The following NPTXR variants were observed in gnomAD, a reference collection of about 807,000 sequenced individuals.
NPTXR encodes the protein neuronal pentraxin receptor.
A neutral mutation model predicts 32.2 loss-of-function variants in NPTXR; 12 were observed. The observed-to-expected ratio is 0.37, with a 90% CI of 0.24 to 0.60. The LOEUF is 0.60. Among genes scored for constraint, NPTXR ranks in the 20% least tolerant of loss-of-function variants. The pLI, the probability that NPTXR is intolerant of heterozygous loss-of-function variation, is 0.66. For synonymous variants in NPTXR, 323 were observed against 315.8 expected, an observed-to-expected ratio of 1.02 and a Z score of -0.24; for missense variants, 612 against 682.9, an observed-to-expected ratio of 0.90 and a Z score of 1.16.
chr22:38,827,055 T>C (rs1254526620), intron 2 of NPTXR, among the ~76,000 whole-genome samples: 1 of 151,668 alleles, frequency 6.6e-6, no homozygotes, highest in Non-Finnish European at 1.5e-5. Flanking sequence ...GGGCTGGAGG[T>C]TGCTTCTCCT....
At chr22:38,827,066 G>A (rs528257076) in intron 2 of NPTXR, among the ~76,000 whole-genome samples, 9 of 152,150 alleles carry the variant, frequency 5.9e-5, no homozygotes, top group African/African-American at 1.7e-4. Context: ...TGCTTCTCCT[G>A]TTCCTGTGCT....
At chr22:38,823,697 G>A (rs776191085) in intron 3 of NPTXR, among the ~76,000 whole-genome samples, 6 of 152,196 alleles carry the variant, frequency 3.9e-5, no homozygotes, top group African/African-American at 1.2e-4. Context: ...CAACCCCTGT[G>A]TGATCTGGGG....
chr22:38,823,325 G>A (rs758438359), intron 3 of NPTXR, 63 bp from the exon 4 acceptor site: 244 of 1,510,118 alleles, frequency 1.6e-4, no homozygotes, highest in Non-Finnish European at 2.1e-4. Context: ...CATGGCTGAG[G>A]CAGTGGGGTG....
chr22:38,826,090 G>T (rs574977608), intron 3 of NPTXR, among the ~76,000 whole-genome samples: 2 of 152,122 alleles, frequency 1.3e-5, no homozygotes, highest in South Asian at 4.2e-4. Flanking sequence ...TGATCCGCCC[G>T]CCTCGGCCTC....
intron 1 of NPTXR, among the ~76,000 whole-genome samples, chr22:38,831,329 C>T (rs1427608826): frequency 6.6e-6 from 1 of 152,144 alleles, no homozygotes; most frequent in African/African-American, 2.4e-5. Context: ...ATTGCTTAAG[C>T]CCAGGAGGTT....
chr22:38,832,130 G>A (rs962494544), intron 1 of NPTXR, among the ~76,000 whole-genome samples: 1 of 152,200 alleles, frequency 6.6e-6, no homozygotes, highest in African/African-American at 2.4e-5. Flanking sequence ...CGCTCAAGCT[G>A]TTCTTTTGTC....
At position 38,818,569 on chromosome 22, in the gene NPTXR, CAT is replaced by C. The variant is rs949953671; in HGVS notation, c.*4038_*4039del. On this transcript the variant is annotated 3_prime_UTR_variant, in exon 5 of 5. Transcript: ENST00000333039. This position sits in a 1 kb window ranked among gnomAD's most constrained non-coding sequence, Gnocchi z 4.5. Reference sequence around the variant, plus strand: ...ACACACACACGCACACACACGCACACATGTTGCAGCTCATGTCAATTTATGTA... The same window carrying C: ...ACACACACACGCACACACACGCACACGTTGCAGCTCATGTCAATTTATGTA... The C allele has an allele frequency of 1.3e-5, 2 of 152,492 alleles. No homozygotes were observed. Among genetic ancestry groups the C allele is most frequent in the Non-Finnish European group, 2.9e-5 (2 of 68,126 alleles). The allele number at this position is 152,492 out of a possible 1,614,324, so 9.4% of individuals were successfully genotyped here.
intron 1 of NPTXR, 32 bp from the exon 2 acceptor site, chr22:38,828,544 T>C (rs757214426): frequency 6.6e-7 from 1 of 1,520,144 alleles, no homozygotes; most frequent in Non-Finnish European, 8.9e-7. Context: ...AGAAATCAAC[T>C]GAGGGGAGGA....
chr22:38,827,312 C>T (rs946515947), intron 2 of NPTXR, among the ~76,000 whole-genome samples: 2 of 147,396 alleles, frequency 1.4e-5, no homozygotes, highest in African/African-American at 2.5e-5. Flanking sequence ...CAGCTCACTG[C>T]GACCTTCACC....
rs893843282 is a variant in NPTXR at position 38,822,811 on chromosome 22, T to A, written c.1301A>T (p.Asp434Val). ...GTCACCGACAAAGGCCTGGGTGGCA[T>A]CAAACCGGCCACCCAGGGTATCCTG... Residue 434 changes from aspartate (D) to valine (V), a missense_variant, in exon 5 of 5, where the codon GAT becomes GTT. Coordinates refer to ENST00000333039, the MANE Select transcript of NPTXR (RefSeq NM_014293.4). 11 of 1,613,744 alleles carry A rather than the reference T, an allele frequency of 6.8e-6. No homozygotes were observed. Among genetic ancestry groups the A allele is most frequent in the Non-Finnish European group, 8.5e-6 (10 of 1,179,892 alleles).
In NPTXR at chr22:38,834,577, TCATCCATCCATCCATCCATCCATCATC is replaced by T. The variant is rs1352563865; in HGVS notation, c.625-6092_625-6066del. On this transcript the variant is annotated intron_variant, in intron 1 of 4. Coordinates refer to ENST00000333039, the MANE Select transcript of NPTXR (RefSeq NM_014293.4). The surrounding 1 kb of genome is among the most constrained non-coding windows in gnomAD (Gnocchi z 4.4). ...CTTCTCTGGCAGGGCTGCAGAGCAC[TCATCCATCCATCCATCCATCCATCATC>T]CATCCATCCATCCATCCATCCATCC... Among the ~76,000 whole-genome samples, 1 of 144,116 alleles carries T rather than the reference TCATCCATCCATCCATCCATCCATCATC, an allele frequency of 6.9e-6. No individual in the cohort carries two copies. Among genetic ancestry groups the T allele is most frequent in the East Asian group, 2.1e-4 (1 of 4,680 alleles). 94.5% of individuals were successfully genotyped at this position (144,116 alleles called of 152,430 possible).
At chr22:38,827,260 CTTT>C (rs66921740) in intron 2 of NPTXR, among the ~76,000 whole-genome samples, 16 of 97,604 alleles carry the variant, frequency 1.6e-4, no homozygotes, top group Non-Finnish European at 2.5e-4. Flanking sequence ...TTTTTTCTTT[CTTT>C]TTTTTTTTTT....
intron 2 of NPTXR, among the ~76,000 whole-genome samples, chr22:38,827,642 T>C (rs2146193132): frequency 6.6e-6 from 1 of 152,288 alleles, no homozygotes; most frequent in African/African-American, 2.4e-5. Context: ...TTAAGGGTGG[T>C]CTTCACAAGA....
intron 1 of NPTXR, among the ~76,000 whole-genome samples, chr22:38,838,573 ATTTTTTTTTTTTTTTTTT>A (rs139377592): frequency 1.2e-5 from 1 of 83,190 alleles, no homozygotes; most frequent in Non-Finnish European, 2.2e-5. Flanking sequence ...TCACCTGGCT[ATTTTTTTTTTTTTTTTTT>A]TTTTTTTTGA....
intron 1 of NPTXR, among the ~76,000 whole-genome samples, chr22:38,831,408 T>G (rs997095685): frequency 2.0e-5 from 3 of 151,862 alleles, no homozygotes; most frequent in African/African-American, 7.3e-5. Flanking sequence ...CAAAAAAAAG[T>G]GTGTGTGGGG....
rs3042737 is a variant in NPTXR, at chr22:38,834,600, TCATC to T, written c.625-6092_625-6089del. ...ACTCATCCATCCATCCATCCATCCA[TCATC>T]CATCCATCCATCCATCCATCCATCC... On this transcript the variant is annotated intron_variant, in intron 1 of 4. Transcript: ENST00000333039. This position sits in a 1 kb window ranked among gnomAD's most constrained non-coding sequence, Gnocchi z 4.4. 0.014 allele frequency among the ~76,000 whole-genome samples: 2,098 copies of T among 147,386 alleles called. 40 individuals are homozygous for T. The highest frequency in any genetic ancestry group is 0.037 in the African/African-American group (1,491 of 39,944).
chr22:38,841,162 G>A (rs961845898), intron 1 of NPTXR, among the ~76,000 whole-genome samples: 1 of 152,240 alleles, frequency 6.6e-6, no homozygotes, highest in East Asian at 1.9e-4. Context: ...TGTCTGCTGT[G>A]CTCCAGCTCC....
At chr22:38,823,840 G>A (rs1025683243) in intron 3 of NPTXR, among the ~76,000 whole-genome samples, 3 of 152,202 alleles carry the variant, frequency 2.0e-5, no homozygotes, top group Admixed American at 2.0e-4. Flanking sequence ...CACGAGCCTC[G>A]ATTTAGCTCA....
intron 1 of NPTXR, among the ~76,000 whole-genome samples, chr22:38,828,814 G>A (rs1448532634): frequency 6.6e-6 from 1 of 152,242 alleles, no homozygotes; most frequent in Non-Finnish European, 1.5e-5. Flanking sequence ...GGTCCCCCAG[G>A]TGGTTTCAGG....
Sources: gnomAD v4.1 joint callset for allele counts (sites outside exome capture counted in the v4.1 genomes callset) on GRCh38, gnomAD v4.1.1 for gene constraint, Gnocchi (gnomAD v3.1) non-coding constraint, MANE v1.5 for transcripts, NCBI Gene and HGNC (gene_info 2026-07-23, HGNC 2026-07-21) for gene names.